SYNE1: variants seen among roughly 807,000 people sequenced by gnomAD.
SYNE1 encodes the protein nesprin-1.
SYNE1 carries 616 observed loss-of-function variants against 1,111.0 expected under a neutral mutation model. The ratio of observed to expected loss-of-function variants is 0.55; its 90% CI spans 0.52 to 0.59. The LOEUF is 0.59. Among genes scored for constraint, SYNE1 ranks in the 20% least tolerant of loss-of-function variants. The pLI, the probability that SYNE1 is intolerant of heterozygous loss-of-function variation, is 0.00. For synonymous variants in SYNE1, 3,855 were observed against 3,825.8 expected, an observed-to-expected ratio of 1.01 and a Z score of -0.28; for missense variants, 10,006 against 10,417.0, an observed-to-expected ratio of 0.96 and a Z score of 1.72.
chr6:152,244,712 A>C, intron 105 of SYNE1, 56 bp from the exon 106 acceptor site: 1 of 1,608,288 alleles, frequency 6.2e-7, no homozygotes, highest in Non-Finnish European at 8.5e-7. Context: ...TCCCCACGGA[A>C]GATGTGATTA....
In SYNE1 at chr6:152,309,842, A is replaced by G. The variant is rs2095495287; in HGVS notation, c.17195T>C (p.Ile5732Thr). 2 of 1,613,838 alleles carry G rather than the reference A, an allele frequency of 1.2e-6. No homozygotes were observed. The highest frequency in any genetic ancestry group is 1.7e-6 in the Non-Finnish European group (2 of 1,180,038). The part of the protein sequence containing the change: ...LQHTAIQQCN[I>T]MQEAVVQYEQ... ...TGGGTACCCTGCACCTGCCTGCATG[A>G]TGTTACACTGCTGGATGGCGGTGTG... is the stretch of plus-strand genomic sequence containing the variant. Residue 5732 changes from isoleucine to threonine, a missense_variant, in exon 90 of 146, where the codon ATC becomes ACC. Around this residue, in one of 7 missense-constraint regions of SYNE1, gnomAD observed 4,955 missense variants for 5,017.2 expected, o/e 0.99. Coordinates refer to ENST00000367255, the MANE Select transcript of SYNE1 (RefSeq NM_182961.4).
rs543317650 is a variant in SYNE1 at position 152,516,449 on chromosome 6, C to T, written c.309+4010G>A. Among the ~76,000 whole-genome samples, 27 of 152,252 alleles carry T rather than the reference C, an allele frequency of 1.8e-4. No homozygotes were observed. The South Asian group carries it at 3.1e-3, about 18-fold the overall frequency. ...ATAGGTGAAGTTGTTAAAGTTTTCG[C>T]CAAGGCTTCCAAGTTAATAAGAGGA... On this transcript the variant is annotated intron_variant, in intron 6 of 145. Coordinates refer to ENST00000367255, the MANE Select transcript of SYNE1 (RefSeq NM_182961.4).
At chr6:152,130,871 C>T in intron 144 of SYNE1, 93 bp from the exon 145 acceptor site, 1 of 1,304,988 alleles carries the variant, frequency 7.7e-7, no homozygotes, top group Non-Finnish European at 1.1e-6. Flanking sequence ...AAAAGTGCAG[C>T]AAAGGAAAAA....
intron 42 of SYNE1, chr6:152,410,446 A>C (rs934201551): frequency 1.3e-5 from 2 of 152,064 alleles, no homozygotes; most frequent in African/African-American, 4.8e-5. Context: ...ACACAAACAA[A>C]AAACAGCTGG....
chr6:152,221,378 T>C, intron 118 of SYNE1, 48 bp downstream of exon 118: 1 of 1,601,262 alleles, frequency 6.2e-7, no homozygotes, highest in Non-Finnish European at 8.6e-7. Flanking sequence ...TCATTATTTA[T>C]AATAAGGCTG....
intron 22 of SYNE1, among the ~76,000 whole-genome samples, chr6:152,456,461 T>C (rs964135629): frequency 6.6e-6 from 1 of 151,508 alleles, no homozygotes; most frequent in African/African-American, 2.4e-5. Context: ...TGAGCATCAA[T>C]GCACATTCAC....
Position 152,221,494 on chromosome 6 carries a change from T to G in SYNE1, c.21588A>C (p.Gln7196His). ...CGGGTGGGTGACACTCTTTTAATAA[T>G]TGGTTGGTGATAGAGCCAAATTTCT... ...SLQKFGSITNQLLKECHPPVT... is the reference protein window; with the variant it reads ...SLQKFGSITNHLLKECHPPVT... The change falls in exon 118 of 146, where the codon CAA becomes CAC. Residue 7196 changes from glutamine (Q) to histidine (H), a missense_variant. Gln to His is a conservative substitution (Grantham distance 24, BLOSUM62 0). Transcript: ENST00000367255. 1 of 1,614,024 alleles carries G rather than the reference T, an allele frequency of 6.2e-7. No individual in the cohort carries two copies. The highest frequency in any genetic ancestry group is 1.3e-5 in the African/African-American group (1 of 75,030).
intron 42 of SYNE1, among the ~76,000 whole-genome samples, 167 bp from the exon 43 acceptor site, chr6:152,409,876 A>G (rs796328025): frequency 1.3e-5 from 2 of 152,164 alleles, no homozygotes; most frequent in African/African-American, 4.8e-5. Flanking sequence ...ACTTACTCCA[A>G]TGTCTAAAAT....
intron 108 of SYNE1, among the ~76,000 whole-genome samples, chr6:152,238,429 C>T (rs1382202020): frequency 1.3e-5 from 2 of 152,100 alleles, no homozygotes; most frequent in Non-Finnish European, 2.9e-5. Flanking sequence ...TGCCAGGGAC[C>T]TGACATGTCA....
chr6:152,432,316 AC>A (rs2098436735), intron 34 of SYNE1, among the ~76,000 whole-genome samples: 2 of 152,194 alleles, frequency 1.3e-5, no homozygotes, highest in South Asian at 4.1e-4. Context: ...TATATTTTAA[AC>A]CTTTCCTATA....
chr6:152,231,346 T>C, intron 114 of SYNE1, 45 bp downstream of exon 114: 1 of 1,608,508 alleles, frequency 6.2e-7, no homozygotes. Context: ...TGCCTGTTCT[T>C]GGGGTTTTCA....
intron 46 of SYNE1, among the ~76,000 whole-genome samples, chr6:152,402,094 A>G (rs2097828770): frequency 6.6e-6 from 1 of 151,984 alleles, no homozygotes; most frequent in African/African-American, 2.4e-5. Flanking sequence ...CACCCTGTGT[A>G]AGGCTTCTTT....
rs376679428 is a variant in SYNE1 at position 152,321,750 on chromosome 6, C to T, written c.16054G>A (p.Glu5352Lys). 6.2e-7 allele frequency: 1 copy of T among 1,613,892 alleles called. No homozygotes were observed. Among genetic ancestry groups the T allele is most frequent in the African/African-American group, 1.3e-5 (1 of 74,922 alleles). The change falls in exon 83 of 146, where the codon GAA (glutamate) becomes AAA (lysine). Residue 5352 changes from glutamate to lysine, a missense_variant. Around this residue, in one of 7 missense-constraint regions of SYNE1, gnomAD observed 4,955 missense variants for 5,017.2 expected, o/e 0.99. Coordinates refer to ENST00000367255, the MANE Select transcript of SYNE1 (RefSeq NM_182961.4). ...TKEYLGNPTI[E>K]IDAQLEELQI... ...AGTTCTTCAAGTTGAGCATCTATTT[C>T]TATTGTTGGATTCCCTAAATATTCT...
chr6:152,146,282 A>C (rs1199383746), intron 137 of SYNE1: 1 of 152,342 alleles, frequency 6.6e-6, no homozygotes, highest in African/African-American at 2.4e-5. Flanking sequence ...TTCTATGTGA[A>C]CTATATATGT....
rs867476503 is a variant in SYNE1, at chr6:152,172,182, A to T, written c.23627+4212T>A. The stretch of plus-strand genomic sequence containing the variant: ...GGGCTGGGAGAAGTGGGGAAGGAAG[A>T]GGAGGGAAGAAAAGAGTGACGGCTA... On this transcript the variant is annotated intron_variant, in intron 130 of 145. Transcript: ENST00000367255. Among the ~76,000 whole-genome samples, 6 of 152,308 alleles carry T rather than the reference A, an allele frequency of 3.9e-5. No homozygotes were observed. In the South Asian group the frequency reaches 1.2e-3, roughly 32 times the overall value.
At chr6:152,489,462 T>TC (rs1298341844) in intron 11 of SYNE1, among the ~76,000 whole-genome samples, 1 of 150,948 alleles carries the variant, frequency 6.6e-6, no homozygotes, top group Admixed American at 6.6e-5. Flanking sequence ...TGTGTCTTTT[T>TC]TTTTTTTTTT....
At chr6:152,336,741 A>G (rs753355783) in intron 76 of SYNE1, 100 bp downstream of exon 76, 19 of 1,429,196 alleles carry the variant, frequency 1.3e-5, no homozygotes, top group Non-Finnish European at 1.9e-5. Flanking sequence ...CTAAGGATTG[A>G]CAGACACTCA....
chr6:152,355,282 T>C (rs536534724), intron 66 of SYNE1, among the ~76,000 whole-genome samples: 2 of 152,308 alleles, frequency 1.3e-5, no homozygotes, highest in East Asian at 1.9e-4. Context: ...TAAAGGGCTA[T>C]TGTTTAAAAG....
At chr6:152,484,423 A>C (rs1593669409) in intron 13 of SYNE1, among the ~76,000 whole-genome samples, 1 of 152,178 alleles carries the variant, frequency 6.6e-6, no homozygotes, top group East Asian at 1.9e-4. Flanking sequence ...CAACACAGGA[A>C]GGTCATTAAC....
Sources: allele counts gnomAD v4.1 joint callset (sites outside exome capture counted in the v4.1 genomes callset), GRCh38; gene constraint gnomAD v4.1.1; regional missense constraint gnomAD v4.1.1; transcripts MANE v1.5; gene names NCBI Gene and HGNC (gene_info 2026-07-23, HGNC 2026-07-21).